NHEJ1: variants seen among roughly 807,000 people sequenced by gnomAD.
The protein encoded by NHEJ1 is non-homologous end joining factor 1.
A neutral mutation model predicts 39.4 loss-of-function variants in NHEJ1; 22 were observed. That is an observed-to-expected ratio of 0.56 (90% CI 0.40 to 0.80). The LOEUF (loss-of-function observed/expected upper bound fraction) is 0.80, where lower values mean the gene tolerates loss of function less well. Among genes scored for constraint, NHEJ1 ranks in the 30% least tolerant of loss-of-function variants. The pLI is 0.00. For synonymous variants in NHEJ1, 154 were observed against 135.6 expected (o/e 1.14, Z -0.94); for missense variants, 329 against 357.1 (o/e 0.92, Z 0.63).
rs752748563 is a variant in NHEJ1, at chr2:219,073,785, G to A, written c.*2596C>T. Among the ~76,000 whole-genome samples the A allele has an allele frequency of 7.2e-5, 11 of 152,228 alleles. No homozygotes were observed. Among genetic ancestry groups the A allele is most frequent in the East Asian group, 1.9e-4 (1 of 5,200 alleles). ...AGCCCCGGGGAGCGGGCGGGTAGGC[G>A]GGGAGGTGGGCCACTGCTTTATTAA... On this transcript the variant is annotated 3_prime_UTR_variant, in exon 8 of 8. Transcript: ENST00000356853.
intron 5 of NHEJ1, among the ~76,000 whole-genome samples, chr2:219,113,793 T>C (rs1949386881): frequency 6.6e-6 from 1 of 152,192 alleles, no homozygotes; most frequent in African/African-American, 2.4e-5. Context: ...TTCCAAGGTA[T>C]TCCATACTTG....
chr2:219,154,303 A>G (rs1405681128), intron 3 of NHEJ1, among the ~76,000 whole-genome samples: 1 of 152,228 alleles, frequency 6.6e-6, no homozygotes, highest in Non-Finnish European at 1.5e-5. Context: ...TGGTCGTATG[A>G]AGATATATAT....
At chr2:219,127,712 A>G (rs1191886979) in intron 5 of NHEJ1, among the ~76,000 whole-genome samples, 2 of 152,260 alleles carry the variant, frequency 1.3e-5, no homozygotes, top group South Asian at 2.1e-4. Flanking sequence ...GAAAGACCTT[A>G]TATCTAGATG....
intron 5 of NHEJ1, among the ~76,000 whole-genome samples, chr2:219,137,595 A>AAAAAAAAAAAAAAAATAAAAAC (rs143557047): frequency 1.2e-5 from 1 of 82,668 alleles, no homozygotes; most frequent in Admixed American, 1.2e-4. Flanking sequence ...AAAAAAAACA[A>AAAAAAAAAAAAAAAATAAAAAC]AAAAAACTGA....
At chr2:219,144,434 A>G (rs1023544385) in intron 5 of NHEJ1, among the ~76,000 whole-genome samples, 1 of 152,128 alleles carries the variant, frequency 6.6e-6, no homozygotes, top group African/African-American at 2.4e-5. Context: ...AAACAGAGGT[A>G]TAATCCAAGG....
At position 219,074,446 on chromosome 2, in the gene NHEJ1, A is replaced by G. The variant is rs1948993365; in HGVS notation, c.*1935T>C. ...AATCTGACTATCTAAATTATGCTGAAAAGAAACGAAAGATCGGCCAGGCAC... is the reference window on the plus strand; with the variant it reads ...AATCTGACTATCTAAATTATGCTGAGAAGAAACGAAAGATCGGCCAGGCAC... On this transcript the variant is annotated 3_prime_UTR_variant, in exon 8 of 8. Coordinates refer to ENST00000356853, the MANE Select transcript of NHEJ1 (RefSeq NM_024782.3). Among the ~76,000 whole-genome samples, 1 of 152,136 alleles carries G rather than the reference A, an allele frequency of 6.6e-6. No homozygotes were observed. The highest frequency in any genetic ancestry group is 2.4e-5 in the African/African-American group (1 of 41,430).
intron 5 of NHEJ1, among the ~76,000 whole-genome samples, chr2:219,129,806 C>T (rs967890842): frequency 9.8e-5 from 15 of 152,364 alleles, no homozygotes; most frequent in South Asian, 2.1e-4. Flanking sequence ...TCCACACAGA[C>T]GCCAGCTCCG....
At chr2:219,146,771 G>A in intron 4 of NHEJ1, 33 bp from the exon 5 acceptor site, 1 of 1,513,150 alleles carries the variant, frequency 6.6e-7, no homozygotes, top group South Asian at 1.1e-5. Context: ...AAAGAAATAT[G>A]AGTCATACAG....
At chr2:219,140,280 C>T (rs949936629) in intron 5 of NHEJ1, among the ~76,000 whole-genome samples, 3 of 152,114 alleles carry the variant, frequency 2.0e-5, no homozygotes, top group Admixed American at 1.3e-4. Flanking sequence ...GTTTTATAGG[C>T]CATGGTAAAG....
chr2:219,099,895 C>T (rs189550625), intron 5 of NHEJ1, among the ~76,000 whole-genome samples: 1 of 152,098 alleles, frequency 6.6e-6, no homozygotes, highest in African/African-American at 2.4e-5. Flanking sequence ...TCAGAAGGTA[C>T]AATGGTAGGG....
intron 5 of NHEJ1, among the ~76,000 whole-genome samples, chr2:219,103,026 A>C (rs1017283253): frequency 7.1e-6 from 1 of 141,544 alleles, no homozygotes; most frequent in East Asian, 2.0e-4. Context: ...AAAAAAAAAA[A>C]AAAAATTAGC....
chr2:219,153,135 G>A (rs1949814015), intron 3 of NHEJ1, among the ~76,000 whole-genome samples: 1 of 152,134 alleles, frequency 6.6e-6, no homozygotes. Context: ...AAGTTATGGA[G>A]TTGAAATATT....
chr2:219,094,250 T>C (rs566603273), intron 5 of NHEJ1, among the ~76,000 whole-genome samples: 22 of 152,018 alleles, frequency 1.4e-4, no homozygotes, highest in Middle Eastern at 3.4e-3. Flanking sequence ...TTACTAGCCA[T>C]TAAAAAGATC....
intron 5 of NHEJ1, among the ~76,000 whole-genome samples, chr2:219,112,592 G>A (rs555388774): frequency 6.6e-6 from 1 of 152,130 alleles, no homozygotes; most frequent in South Asian, 2.1e-4. Flanking sequence ...AGGATAACAG[G>A]GAGGCCAACC....
chr2:219,090,018 A>G (rs1949147033), intron 5 of NHEJ1, among the ~76,000 whole-genome samples: 1 of 152,196 alleles, frequency 6.6e-6, no homozygotes, highest in Admixed American at 6.5e-5. Flanking sequence ...CACCACTTAC[A>G]TGTTTGTTTT....
chr2:219,131,705 T>G (rs1233610049), intron 5 of NHEJ1, among the ~76,000 whole-genome samples: 1 of 152,254 alleles, frequency 6.6e-6, no homozygotes, highest in Non-Finnish European at 1.5e-5. Flanking sequence ...ATTAATTACA[T>G]AAAAGTTTTT....
At chr2:219,097,004 AT>A (rs1219839724) in intron 5 of NHEJ1, among the ~76,000 whole-genome samples, 1 of 152,064 alleles carries the variant, frequency 6.6e-6, no homozygotes, top group Non-Finnish European at 1.5e-5. Flanking sequence ...CTGGCTTATG[AT>A]TTTTTTGGCT....
intron 5 of NHEJ1, chr2:219,095,275 A>G (rs1208113765): frequency 1.3e-5 from 6 of 470,246 alleles, no homozygotes; most frequent in Non-Finnish European, 2.2e-5. Context: ...AAAGCTTACC[A>G]TGATAAAAAG....
chr2:219,138,633 T>C (rs1348362250), intron 5 of NHEJ1, among the ~76,000 whole-genome samples: 1 of 152,200 alleles, frequency 6.6e-6, no homozygotes, highest in Non-Finnish European at 1.5e-5. Flanking sequence ...GCTTACATTC[T>C]AACAGACAGG....
Sources: allele counts gnomAD v4.1 joint callset (sites outside exome capture counted in the v4.1 genomes callset), GRCh38; gene constraint gnomAD v4.1.1; transcripts MANE v1.5; gene names NCBI Gene and HGNC (gene_info 2026-07-23, HGNC 2026-07-21).